EHBP1: variants seen among roughly 807,000 people sequenced by gnomAD.
The protein encoded by EHBP1 is EH domain binding protein 1, also known as EH domain-binding protein 1.
A neutral mutation model predicts 144.0 loss-of-function variants in EHBP1; 55 were observed. The ratio of observed to expected loss-of-function variants is 0.38; its 90% CI spans 0.31 to 0.48. EHBP1 has a LOEUF of 0.48. Ranked by LOEUF, EHBP1 falls within the 20% of genes least tolerant of loss-of-function variation. The probability of loss-of-function intolerance (pLI) is 0.98; values close to 1 mark genes in which losing one functional copy is unlikely to be tolerated. For synonymous variants in EHBP1, 469 were observed against 472.7 expected, an observed-to-expected ratio of 0.99 and a Z score of 0.10; for missense variants, 1,200 against 1,364.2, an observed-to-expected ratio of 0.88 and a Z score of 1.90.
chr2:62,820,225 GAAA>G (rs372533264), intron 5 of EHBP1, among the ~76,000 whole-genome samples: 1 of 100,668 alleles, frequency 9.9e-6, no homozygotes, highest in Admixed American at 1.0e-4. Flanking sequence ...AAAAAAAAAA[GAAA>G]AAAAAAAAAA....
chr2:62,948,808 A>G lies in EHBP1; in HGVS notation c.1962A>G (p.Leu654=). 2 of 1,614,200 alleles carry G rather than the reference A, an allele frequency of 1.2e-6. No individual in the cohort carries two copies. Among genetic ancestry groups the G allele is most frequent in the Non-Finnish European group, 1.7e-6 (2 of 1,180,018 alleles). Residue 654 remains leucine, a synonymous_variant, in exon 13 of 23, where the codon CTA becomes CTG. Transcript: ENST00000431489. ...QAQVLLGKKR[L]LKAETLELSD... ...AGGTTTTGTTAGGCAAAAAGAGACT[A>G]TTGAAAGCTGAGACTTTAGAATTGA...
In EHBP1 at chr2:62,715,847, G is replaced by A. The variant is rs147292570; in HGVS notation, c.104+8552G>A. Among the ~76,000 whole-genome samples the A allele has an allele frequency of 2.8e-3, 421 of 152,172 alleles. 1 individual carries two copies. The highest frequency in any genetic ancestry group is 6.9e-3 in the African/African-American group (287 of 41,522). On this transcript the variant is annotated intron_variant, in intron 2 of 22. Transcript: ENST00000431489. The stretch of plus-strand genomic sequence containing the variant: ...TACTTAGACTTTTTTTGAGAGAAAC[G>A]TTTTCTATCTTATTCAGCTACTGTA...
chr2:62,675,796 T>C (rs1049781687), intron 1 of EHBP1, among the ~76,000 whole-genome samples: 1 of 152,198 alleles, frequency 6.6e-6, no homozygotes, highest in African/African-American at 2.4e-5. Flanking sequence ...AGATGGGTCC[T>C]GACGGGAGTG....
intron 14 of EHBP1, among the ~76,000 whole-genome samples, chr2:62,965,415 A>G (rs893077708): frequency 3.3e-5 from 5 of 152,186 alleles, no homozygotes; most frequent in Non-Finnish European, 5.9e-5. Flanking sequence ...TTGATACTGT[A>G]TAAGAATCTT....
Position 62,819,771 on chromosome 2 carries a change from C to CAA in EHBP1, c.313-6304_313-6303dup, listed in dbSNP as rs538451712. ...AGAGCGAGACTCCAGCTCAAAAAAA[C>CAA]AAAAAAAAAAAAACCCGCGACAACC... On this transcript the variant is annotated intron_variant, in intron 5 of 22. Coordinates refer to ENST00000431489, the MANE Select transcript of EHBP1 (RefSeq NM_001142616.3). Among the ~76,000 whole-genome samples, 35 of 122,326 alleles carry CAA rather than the reference C, an allele frequency of 2.9e-4. 1 individual carries two copies. The highest frequency in any genetic ancestry group is 2.9e-4 in the Non-Finnish European group (17 of 58,378). The allele number at this position is 122,326 out of a possible 152,430, so 80.3% of individuals were successfully genotyped here. A position where few individuals can be genotyped will look rare whatever the true frequency, so the allele number is the denominator to read the frequency against.
chr2:62,729,073 AT>A (rs1294007448), intron 2 of EHBP1, among the ~76,000 whole-genome samples: 3 of 151,418 alleles, frequency 2.0e-5, no homozygotes, highest in African/African-American at 7.3e-5. Context: ...CTTCTAAAAA[AT>A]TTATTTATTT....
intron 14 of EHBP1, among the ~76,000 whole-genome samples, chr2:62,962,416 T>C (rs1349050783): frequency 6.6e-6 from 1 of 152,254 alleles, no homozygotes; most frequent in Non-Finnish European, 1.5e-5. Context: ...TTTTAAAAAA[T>C]GCATTTAATA....
chr2:62,823,880 A>G (rs943129884), intron 5 of EHBP1, among the ~76,000 whole-genome samples: 1 of 152,044 alleles, frequency 6.6e-6, no homozygotes, highest in African/African-American at 2.4e-5. Flanking sequence ...GGGAATGGAT[A>G]TCATAGACTA....
At chr2:62,763,394 G>A (rs1288307762) in intron 3 of EHBP1, among the ~76,000 whole-genome samples, 2 of 152,134 alleles carry the variant, frequency 1.3e-5, no homozygotes, top group African/African-American at 4.8e-5. Context: ...GCAAATGAGT[G>A]AATGAATGAA....
intron 10 of EHBP1, 34 bp from the exon 11 acceptor site, chr2:62,942,684 C>A (rs908113927): frequency 9.2e-6 from 14 of 1,527,656 alleles, no homozygotes; most frequent in Admixed American, 2.0e-5. Flanking sequence ...CCATTAAATT[C>A]TTTTAATGTT....
chr2:63,018,689 GT>G (rs2060582799), intron 19 of EHBP1, among the ~76,000 whole-genome samples: 1 of 152,102 alleles, frequency 6.6e-6, no homozygotes, highest in Admixed American at 6.5e-5. Flanking sequence ...GTTTCTACCC[GT>G]GATATTTAGA....
chr2:62,839,121 C>T (rs1384514859), intron 7 of EHBP1, among the ~76,000 whole-genome samples: 1 of 149,018 alleles, frequency 6.7e-6, no homozygotes, highest in Non-Finnish European at 1.5e-5. Flanking sequence ...AATCCAGCAG[C>T]ACATCAAAAA....
intron 7 of EHBP1, among the ~76,000 whole-genome samples, chr2:62,840,274 C>G (rs1402556623): frequency 6.7e-6 from 1 of 148,376 alleles, no homozygotes; most frequent in African/African-American, 2.5e-5. Flanking sequence ...GCTGGGAAAA[C>G]TGGCTAGCCA....
intron 1 of EHBP1, among the ~76,000 whole-genome samples, chr2:62,687,127 G>C (rs2033744430): frequency 6.6e-6 from 1 of 152,010 alleles, no homozygotes; most frequent in African/African-American, 2.4e-5. Flanking sequence ...ATCCTCTCCA[G>C]GTCTCTTTTT....
Position 62,874,268 on chromosome 2 carries a change from C to T in EHBP1, c.999-78C>T, listed in dbSNP as rs1222188028. The T allele has an allele frequency of 2.6e-6, 3 of 1,133,976 alleles. No homozygotes were observed. The African/African-American group carries it at 4.8e-5, about 18-fold the overall frequency. 70.2% of individuals were successfully genotyped at this position (1,133,976 alleles called of 1,614,324 possible). On this transcript the variant is annotated intron_variant, in intron 9 of 22. Coordinates refer to ENST00000431489, the MANE Select transcript of EHBP1 (RefSeq NM_001142616.3). Reference sequence around the variant, plus strand: ...ATTTGAAAAAAGAAATTTTAGTTTTCAGTGCATGTTTTATTATTTTACTTG... The same window carrying T: ...ATTTGAAAAAAGAAATTTTAGTTTTTAGTGCATGTTTTATTATTTTACTTG...
intron 3 of EHBP1, among the ~76,000 whole-genome samples, chr2:62,748,027 T>G (rs1012133769): frequency 9.2e-5 from 14 of 152,058 alleles, no homozygotes; most frequent in Non-Finnish European, 1.9e-4. Context: ...TATTACTCAG[T>G]CTGCGGCATG....
At chr2:62,757,544 C>T (rs2040409729) in intron 3 of EHBP1, among the ~76,000 whole-genome samples, 1 of 150,648 alleles carries the variant, frequency 6.6e-6, no homozygotes, top group Non-Finnish European at 1.5e-5. Flanking sequence ...TGCAATTCTC[C>T]TGCCTTAGTC....
intron 10 of EHBP1, among the ~76,000 whole-genome samples, chr2:62,893,055 ATAT>A: frequency 6.6e-6 from 1 of 152,188 alleles, no homozygotes. Flanking sequence ...TTCAAAAGAA[ATAT>A]TATTTTTATC....
intron 16 of EHBP1, among the ~76,000 whole-genome samples, chr2:62,992,372 A>G (rs574035592): frequency 6.6e-6 from 1 of 152,308 alleles, no homozygotes; most frequent in East Asian, 1.9e-4. Context: ...AAAAAATAAA[A>G]TAGTGTTATT....
Sources: allele counts gnomAD v4.1 joint callset (sites outside exome capture counted in the v4.1 genomes callset), GRCh38; gene constraint gnomAD v4.1.1; transcripts MANE v1.5; gene names NCBI Gene and HGNC (gene_info 2026-07-23, HGNC 2026-07-21).